CNST: variants seen among roughly 807,000 people sequenced by gnomAD.
CNST encodes the protein consortin.
CNST carries 39 observed loss-of-function variants against 72.4 expected under a neutral mutation model. The ratio of observed to expected loss-of-function variants is 0.54; its 90% CI spans 0.42 to 0.70. The LOEUF (loss-of-function observed/expected upper bound fraction) is 0.70. CNST is among the 30% of genes least tolerant of loss of function. The pLI, the probability that CNST is intolerant of heterozygous loss-of-function variation, is 0.00. For synonymous variants in CNST, 332 were observed against 320.1 expected (o/e 1.04, Z -0.40); for missense variants, 871 against 868.5 (o/e 1.00, Z -0.04).
chr1:246,571,015 C>T (rs1660035005), intron 1 of CNST, among the ~76,000 whole-genome samples: 1 of 152,182 alleles, frequency 6.6e-6, no homozygotes, highest in Non-Finnish European at 1.5e-5. Context: ...GAATCATTCT[C>T]ATGGGGGAAA....
rs537919842 is a variant in CNST at position 246,635,374 on chromosome 1, C to G, written c.818+787C>G. On this transcript the variant is annotated intron_variant, in intron 6 of 10. Coordinates refer to ENST00000366513, the MANE Select transcript of CNST (RefSeq NM_152609.3). ...ATACCACAGGGGAGAAACAGGAGGA[C>G]CCCAATGATGAAGATTACTGTCCCT... Among the ~76,000 whole-genome samples the G allele has an allele frequency of 1.3e-4, 19 of 151,786 alleles. No individual in the cohort carries two copies. In the East Asian group the frequency reaches 1.8e-3, roughly 14 times the overall value.
intron 8 of CNST, among the ~76,000 whole-genome samples, chr1:246,644,028 T>C (rs1665883343): frequency 6.6e-6 from 1 of 152,190 alleles, no homozygotes; most frequent in Admixed American, 6.5e-5. Flanking sequence ...GCATAGCTGC[T>C]GTCCATCACC....
At chr1:246,625,613 G>A (rs1272480659) in intron 3 of CNST, among the ~76,000 whole-genome samples, 1 of 151,534 alleles carries the variant, frequency 6.6e-6, no homozygotes, top group Non-Finnish European at 1.5e-5. Flanking sequence ...GTAGAGACAA[G>A]GTTTCACCAT....
At chr1:246,661,560 T>C (rs1667106549) in intron 10 of CNST, among the ~76,000 whole-genome samples, 1 of 152,228 alleles carries the variant, frequency 6.6e-6, no homozygotes, top group Non-Finnish European at 1.5e-5. Flanking sequence ...GCTGTTTGAC[T>C]TCTTCGTCCT....
At chr1:246,649,316 T>G (rs1666318405) in intron 9 of CNST, among the ~76,000 whole-genome samples, 1 of 152,200 alleles carries the variant, frequency 6.6e-6, no homozygotes, top group Admixed American at 6.5e-5. Context: ...ATTGTATACT[T>G]ACAAAGAGTT....
At chr1:246,634,170 TA>T (rs1328682296) in intron 5 of CNST, 160 bp downstream of exon 5, 8 of 592,366 alleles carry the variant, frequency 1.4e-5, no homozygotes, top group Non-Finnish European at 2.4e-5. Context: ...ACAAGTCTAT[TA>T]TATTGTGAGA....
rs116178808 is a variant in CNST at position 246,643,068 on chromosome 1, T to G, written c.937+1031T>G. On this transcript the variant is annotated intron_variant, in intron 8 of 10. Transcript: ENST00000366513. Reference sequence around the variant, plus strand: ...GGCGCCCCAGTTAATTTTTAAAAATTTTTGTGGGTATGGAGGTCTCACTAT... The same window carrying G: ...GGCGCCCCAGTTAATTTTTAAAAATGTTTGTGGGTATGGAGGTCTCACTAT... Among the ~76,000 whole-genome samples, 733 of 151,306 alleles carry G rather than the reference T, an allele frequency of 4.8e-3. 10 individuals are homozygous for G. The highest frequency in any genetic ancestry group is 0.017 in the African/African-American group (686 of 41,174).
chr1:246,599,241 T>A (rs1174760371), intron 2 of CNST, among the ~76,000 whole-genome samples: 1 of 151,736 alleles, frequency 6.6e-6, no homozygotes, highest in African/African-American at 2.4e-5. Flanking sequence ...GAACAAGTTA[T>A]CACAAATTTA....
At chr1:246,604,253 CAAAAA>C (rs202068169) in intron 2 of CNST, among the ~76,000 whole-genome samples, 1 of 144,650 alleles carries the variant, frequency 6.9e-6, no homozygotes, top group Non-Finnish European at 1.5e-5. Flanking sequence ...GACTCCATCT[CAAAAA>C]AAAGAAAAAA....
intron 1 of CNST, among the ~76,000 whole-genome samples, chr1:246,586,111 A>ATATGTG (rs777928408): frequency 2.4e-4 from 25 of 102,698 alleles, no homozygotes; most frequent in African/African-American, 6.8e-4. Flanking sequence ...ATATATATAT[A>ATATGTG]TGTGTGTGTG....
chr1:246,572,997 C>T (rs1660161757), intron 1 of CNST, among the ~76,000 whole-genome samples: 1 of 152,112 alleles, frequency 6.6e-6, no homozygotes, highest in Non-Finnish European at 1.5e-5. Context: ...CCTCCCTCAG[C>T]GTCAACTCAC....
chr1:246,574,972 T>TTTTTTTTATTTA (rs1553368201), intron 1 of CNST, among the ~76,000 whole-genome samples: 28 of 143,652 alleles, frequency 1.9e-4, no homozygotes, highest in South Asian at 4.5e-4. Flanking sequence ...TCCTCAAGTA[T>TTTTTTTTATTTA]TTTATTTATT....
chr1:246,638,400 G>A (rs891661364), intron 6 of CNST, among the ~76,000 whole-genome samples: 3 of 152,166 alleles, frequency 2.0e-5, no homozygotes, highest in South Asian at 2.1e-4. Flanking sequence ...AATGAATGAC[G>A]GCAGCTTTCT....
chr1:246,647,814 A>G lies in CNST; in HGVS notation c.1613A>G (p.Asp538Gly). 1 of 1,614,176 alleles carries G rather than the reference A, an allele frequency of 6.2e-7. No homozygotes were observed. The highest frequency in any genetic ancestry group is 8.5e-7 in the Non-Finnish European group (1 of 1,180,012). The change falls in exon 9 of 11, where the codon GAC becomes GGC. Residue 538 changes from aspartate to glycine, a missense_variant. Asp to Gly is a moderately conservative substitution (Grantham distance 94, BLOSUM62 -1). Transcript: ENST00000366513. ...CCAGAGGAAAAGGGAGATAAAGACG[A>G]CCAACTCAACAAAGAAACAGAAGAC... ...MAPEEKGDKD[D>G]QLNKETEDYL...
intron 2 of CNST, among the ~76,000 whole-genome samples, chr1:246,619,145 G>C (rs534098669): frequency 2.1e-4 from 26 of 124,776 alleles, no homozygotes; most frequent in Non-Finnish European, 3.4e-4. Flanking sequence ...AGTGTAGCTA[G>C]AGAAAAGGGA....
chr1:246,643,960 T>C (rs1302449639), intron 8 of CNST, among the ~76,000 whole-genome samples: 3 of 152,196 alleles, frequency 2.0e-5, no homozygotes, highest in African/African-American at 7.2e-5. Flanking sequence ...TTATTACTTA[T>C]CACTTAAGTG....
chr1:246,639,889 T>C (rs1665567201), intron 6 of CNST, among the ~76,000 whole-genome samples: 1 of 150,666 alleles, frequency 6.6e-6, no homozygotes. Flanking sequence ...AAACAGGAAG[T>C]GTCCCTGTCT....
At chr1:246,626,714 C>T (rs2103087703) in intron 3 of CNST, among the ~76,000 whole-genome samples, 1 of 152,214 alleles carries the variant, frequency 6.6e-6, no homozygotes, top group Non-Finnish European at 1.5e-5. Context: ...GCCTCAGCCT[C>T]CCAAAGTGCT....
intron 9 of CNST, among the ~76,000 whole-genome samples, chr1:246,650,970 G>C (rs943788768): frequency 6.6e-6 from 1 of 152,078 alleles, no homozygotes; most frequent in African/African-American, 2.4e-5. Flanking sequence ...GAGCTACCAT[G>C]CTTGGCCTTC....
Sources: gnomAD v4.1 joint callset for allele counts (sites outside exome capture counted in the v4.1 genomes callset) on GRCh38, gnomAD v4.1.1 for gene constraint, MANE v1.5 for transcripts, NCBI Gene and HGNC (gene_info 2026-07-23, HGNC 2026-07-21) for gene names.